Variants in SLC67A1 observed in about 807,000 individuals in gnomAD.
SLC67A1 encodes solute carrier family 67 member 1.
chr11:2,905,625 C>T, the SLC67A1 span, among the ~76,000 whole-genome samples: 20 of 152,066 alleles, frequency 1.3e-4, no homozygotes, highest in Admixed American at 8.5e-4. Context: ...TAAACAGTGC[C>T]GCGATAAAAA....
At chr11:2,909,059 C>T in the SLC67A1 span, 1 of 768,510 alleles carries the variant, frequency 1.3e-6, no homozygotes, top group South Asian at 2.0e-5. Context: ...CTCCCAGCAG[C>T]CGCCCAGGCG....
At chr11:2,901,364 TCCCA>T in the SLC67A1 span, among the ~76,000 whole-genome samples, 1 of 152,212 alleles carries the variant, frequency 6.6e-6, no homozygotes, top group Non-Finnish European at 1.5e-5. Context: ...GCGATGTCCG[TCCCA>T]CCCTGTCTCA....
the SLC67A1 span, chr11:2,909,881 C>T: frequency 5.8e-6 from 4 of 689,380 alleles, no homozygotes; most frequent in Non-Finnish European, 8.9e-6. Context: ...GGCCTGACCT[C>T]CCGGGCTGGC....
chr11:2,922,152 G>A, the SLC67A1 span: 1 of 1,613,744 alleles, frequency 6.2e-7, no homozygotes, highest in Non-Finnish European at 8.5e-7. Context: ...TCTCGGAGGA[G>A]GTGCTGCTCC....
chr11:2,902,499 A>C, the SLC67A1 span: 16 of 794,146 alleles, frequency 2.0e-5, no homozygotes, highest in South Asian at 5.8e-5. Context: ...GCCTCCCTGC[A>C]TCCCGGGATG....
chr11:2,907,267 A>T, the SLC67A1 span, among the ~76,000 whole-genome samples: 6 of 152,140 alleles, frequency 3.9e-5, no homozygotes, highest in Non-Finnish European at 7.3e-5. The surrounding 1 kb of genome is among the most constrained non-coding windows in gnomAD (Gnocchi z 6.7). Context: ...AAAGTATCCA[A>T]AACCCTGGGG....
the SLC67A1 span, chr11:2,916,033 G>C: frequency 6.6e-6 from 1 of 152,304 alleles, no homozygotes; most frequent in African/African-American, 2.4e-5. Context: ...GGCACCTCCG[G>C]GGCTTTGCAA....
At chr11:2,907,904 G>A in the SLC67A1 span, among the ~76,000 whole-genome samples, 9 of 152,174 alleles carry the variant, frequency 5.9e-5, no homozygotes, top group South Asian at 4.1e-4. The surrounding 1 kb of genome is among the most constrained non-coding windows in gnomAD (Gnocchi z 6.7). Flanking sequence ...TGCTGCTGGC[G>A]TCCCCCACAA....
the SLC67A1 span, chr11:2,922,507 C>T: frequency 8.1e-6 from 13 of 1,612,898 alleles, no homozygotes; most frequent in Admixed American, 8.3e-5. Flanking sequence ...GCACCCTCAA[C>T]GTGGTCACCG....
the SLC67A1 span, among the ~76,000 whole-genome samples, chr11:2,907,067 G>A: frequency 6.6e-6 from 1 of 151,926 alleles, no homozygotes; most frequent in South Asian, 2.1e-4. The surrounding 1 kb of genome is among the most constrained non-coding windows in gnomAD (Gnocchi z 6.7). Flanking sequence ...TGGAGCTGAA[G>A]GAAGAAGGAG....
At chr11:2,909,396 G>A in the SLC67A1 span, 33 of 1,495,238 alleles carry the variant, frequency 2.2e-5, no homozygotes, top group Non-Finnish European at 2.7e-5. Context: ...GGGCCGGGTC[G>A]GGGGCAGCCT....
the SLC67A1 span, chr11:2,915,128 G>C: frequency 1.0e-6 from 1 of 985,372 alleles, no homozygotes; most frequent in Non-Finnish European, 1.2e-6. Flanking sequence ...ACTGATGTGA[G>C]CTTAGGGGTC....
the SLC67A1 span, chr11:2,917,885 G>C: frequency 7.5e-6 from 6 of 797,502 alleles, no homozygotes; most frequent in African/African-American, 7.0e-5. Flanking sequence ...GCTTTACCCT[G>C]GCGGGCGCAA....
At chr11:2,899,724 A>G in the SLC67A1 span, 3 of 1,179,526 alleles carry the variant, frequency 2.5e-6, no homozygotes, top group Non-Finnish European at 3.2e-6. Context: ...TGTTCATGAC[A>G]AAAAAAAAGG....
the SLC67A1 span, among the ~76,000 whole-genome samples, chr11:2,905,674 C>T: frequency 6.6e-6 from 1 of 152,252 alleles, no homozygotes; most frequent in South Asian, 2.1e-4. Flanking sequence ...TCCCCTGGGG[C>T]CTGCTCCGAG....
At chr11:2,913,851 C>T in the SLC67A1 span, among the ~76,000 whole-genome samples, 3 of 152,284 alleles carry the variant, frequency 2.0e-5, no homozygotes, top group South Asian at 2.1e-4. Flanking sequence ...GGCTTGTCAC[C>T]GTAGAACACA....
chr11:2,903,335 G>A, the SLC67A1 span: 42 of 1,611,678 alleles, frequency 2.6e-5, no homozygotes, highest in South Asian at 3.1e-4. Context: ...TCCCTGCTGC[G>A]CCTGTCCAGG....
At chr11:2,924,529 G>A in the SLC67A1 span, among the ~76,000 whole-genome samples, 3 of 152,238 alleles carry the variant, frequency 2.0e-5, no homozygotes, top group Admixed American at 6.5e-5. This position sits in a 1 kb window ranked among gnomAD's most constrained non-coding sequence, Gnocchi z 8.6. Flanking sequence ...AGGCACCCTG[G>A]GAAAGAGCCG....
At chr11:2,906,149 G>T in the SLC67A1 span, among the ~76,000 whole-genome samples, 1,052 of 152,322 alleles carry the variant, frequency 6.9e-3, 9 homozygotes, top group Middle Eastern at 0.027. Flanking sequence ...TCAGAGAAAT[G>T]CAAGTCAAAA....
Sources: allele counts gnomAD v4.1 joint callset (sites outside exome capture counted in the v4.1 genomes callset), GRCh38; gene constraint gnomAD v4.1.1; non-coding constraint Gnocchi (gnomAD v3.1); transcripts MANE v1.5; gene names NCBI Gene and HGNC (gene_info 2026-07-23, HGNC 2026-07-21).